CNTN6: variants seen among roughly 807,000 people sequenced by gnomAD.
The protein encoded by CNTN6 is contactin-6.
In CNTN6, 137 loss-of-function variants were observed where a neutral mutation model predicts 122.8. That is an observed-to-expected ratio of 1.12 (90% CI 0.97 to 1.29). CNTN6 has a LOEUF of 1.29. Ranked by LOEUF, CNTN6 falls within the 50% of genes most tolerant of loss-of-function variation. The pLI is 0.00. For missense variants in CNTN6, 1,634 were observed against 1,223.4 expected (o/e 1.34, Z -5.01); for synonymous variants, 570 against 426.0 (o/e 1.34, Z -4.16).
In CNTN6 at chr3:1,372,448, G is replaced by T. The variant is rs773889264; in HGVS notation, c.1642G>T (p.Val548Leu). 1.2e-6 allele frequency: 2 copies of T among 1,611,244 alleles called. No homozygotes were observed. The highest frequency in any genetic ancestry group is 1.1e-5 in the South Asian group (1 of 90,504). Residue 548 changes from valine (V) to leucine (L), a missense_variant, in exon 13 of 23, where the codon GTG (valine) becomes TTG (leucine). Physicochemically the swap from Val to Leu is conservative, Grantham distance 32. Transcript: ENST00000446702. ...NGDVIDLKKG[V>L]AHFERIGGES... is the part of the protein sequence containing the mutation. ...AGATGTCATAGACTTAAAAAAAGGA[G>T]TGGCTCATTTTGAAAGGATTGGAGG...
chr3:1,385,770 C>A lies in CNTN6; in HGVS notation c.2677C>A (p.Pro893Thr). 6.2e-7 allele frequency: 1 copy of A among 1,611,264 alleles called. No individual in the cohort carries two copies. The highest frequency in any genetic ancestry group is 1.1e-5 in the South Asian group (1 of 90,678). ...NTAGTGPSSP[P>T]VNVTTKKSPP... ...TGCTGGGACAGGGCCCTCAAGCCCC[C>A]CAGTCAATGTTACCACCAAAAAGTC... is the stretch of plus-strand genomic sequence containing the variant. Residue 893 changes from proline to threonine, a missense_variant, in exon 20 of 23, where the codon CCA becomes ACA. Transcript: ENST00000446702.
chr3:1,237,000 G>C (rs149666754), intron 4 of CNTN6, among the ~76,000 whole-genome samples: 156 of 151,980 alleles, frequency 1.0e-3, no homozygotes, highest in African/African-American at 3.5e-3. Flanking sequence ...AGAATGGCGT[G>C]AACCTGGGAG....
At chr3:1,385,513 C>A in intron 19 of CNTN6, 98 bp from the exon 20 acceptor site, 1 of 908,584 alleles carries the variant, frequency 1.1e-6, no homozygotes, top group Non-Finnish European at 1.7e-6. Flanking sequence ...CTGTCTTCTT[C>A]CCATATTCCT....
At chr3:1,204,195 C>G (rs1212334539) in intron 2 of CNTN6, among the ~76,000 whole-genome samples, 1 of 152,140 alleles carries the variant, frequency 6.6e-6, no homozygotes, top group African/African-American at 2.4e-5. Context: ...GAGAGACACA[C>G]TCTTATCTCA....
At chr3:1,182,360 G>T (rs1302637762) in intron 2 of CNTN6, among the ~76,000 whole-genome samples, 1 of 152,108 alleles carries the variant, frequency 6.6e-6, no homozygotes, top group Non-Finnish European at 1.5e-5. Context: ...CAGAGCCCTA[G>T]AAAGTAAATC....
intron 17 of CNTN6, among the ~76,000 whole-genome samples, chr3:1,379,805 G>C (rs1374972235): frequency 6.6e-6 from 1 of 152,064 alleles, no homozygotes; most frequent in East Asian, 1.9e-4. Context: ...AGCAGATACT[G>C]AGCCAACTTC....
intron 20 of CNTN6, among the ~76,000 whole-genome samples, chr3:1,391,642 A>C (rs1694163473): frequency 6.6e-6 from 1 of 151,510 alleles, no homozygotes; most frequent in Admixed American, 6.6e-5. Flanking sequence ...AGATGATTGT[A>C]TATCTAGAAA....
At chr3:1,391,661 G>A (rs1395166362) in intron 20 of CNTN6, among the ~76,000 whole-genome samples, 1 of 151,230 alleles carries the variant, frequency 6.6e-6, no homozygotes, top group Non-Finnish European at 1.5e-5. Context: ...AAACCCCATT[G>A]TCTCAGCCCA....
chr3:1,375,957 T>A (rs1709796308), intron 16 of CNTN6, among the ~76,000 whole-genome samples: 1 of 151,946 alleles, frequency 6.6e-6, no homozygotes, highest in Non-Finnish European at 1.5e-5. Flanking sequence ...GGGGAAAAAT[T>A]TGAAATGAGG....
chr3:1,271,635 T>C (rs929837500), intron 4 of CNTN6, among the ~76,000 whole-genome samples: 4 of 152,022 alleles, frequency 2.6e-5, no homozygotes, highest in African/African-American at 9.7e-5. Context: ...TCGAGAAATA[T>C]AAAGAGAGGT....
At chr3:1,098,003 CT>C (rs2090623094) in intron 1 of CNTN6, among the ~76,000 whole-genome samples, 1 of 150,896 alleles carries the variant, frequency 6.6e-6, no homozygotes, top group South Asian at 2.1e-4. Flanking sequence ...TATAGAGATG[CT>C]GGTCTCTGGA....
chr3:1,233,011 G>A (rs1366279861), intron 4 of CNTN6, among the ~76,000 whole-genome samples: 1 of 152,166 alleles, frequency 6.6e-6, no homozygotes, highest in Non-Finnish European at 1.5e-5. Flanking sequence ...CAGAAAGCTA[G>A]GGATCAGAAA....
intron 2 of CNTN6, among the ~76,000 whole-genome samples, chr3:1,179,465 T>A (rs1318219247): frequency 6.6e-6 from 1 of 152,122 alleles, no homozygotes; most frequent in Non-Finnish European, 1.5e-5. Flanking sequence ...AAGCCTTGGT[T>A]TTAGGCGAAT....
At position 1,384,924 on chromosome 3, in the gene CNTN6, C is replaced by T. The variant is rs1169537004; in HGVS notation, c.2518-687C>T. ...AGAATGCCTTACCTCTTATCTGAAC[C>T]CTAGTTACTTCTCAAATTTCATCCC... On this transcript the variant is annotated intron_variant, in intron 19 of 22. Transcript: ENST00000446702. Among the ~76,000 whole-genome samples, 11 of 151,072 alleles carry T rather than the reference C, an allele frequency of 7.3e-5. No individual in the cohort carries two copies. The Admixed American group carries it at 7.3e-4, about 10-fold the overall frequency.
In CNTN6 at chr3:1,402,478, A is replaced by G; in HGVS notation, c.2978A>G (p.Lys993Arg). Residue 993 changes from lysine (K) to arginine (R), a missense_variant, in exon 22 of 23, where the codon AAA (lysine) becomes AGA (arginine). Coordinates refer to ENST00000446702, the MANE Select transcript of CNTN6 (RefSeq NM_001289080.2). ...GSSSEEIRIP[K>R]MSSLSSRGIQ... is the part of the protein sequence containing the mutation. The stretch of plus-strand genomic sequence containing the variant: ...AGCAGTGAGGAAATTAGGATTCCAA[A>G]AATGTCAAGTAAGTTGAGTCACCAT... 6.2e-7 allele frequency: 1 copy of G among 1,608,332 alleles called. No homozygotes were observed. The highest frequency in any genetic ancestry group is 8.5e-7 in the Non-Finnish European group (1 of 1,175,986).
rs56703431 is a variant in CNTN6, at chr3:1,160,344, G to GTATATATATA, written c.55+12296_55+12305dup. On this transcript the variant is annotated intron_variant, in intron 2 of 22. Coordinates refer to ENST00000446702, the MANE Select transcript of CNTN6 (RefSeq NM_001289080.2). The stretch of plus-strand genomic sequence containing the variant: ...TCTCATCACACAATTTACTTTTACT[G>GTATATATATA]TATATATATATATATATATATATAC... Among the ~76,000 whole-genome samples the GTATATATATA allele has an allele frequency of 2.3e-3, 259 of 111,104 alleles. 4 individuals carry two copies. The highest frequency in any genetic ancestry group is 0.013 in the East Asian group (47 of 3,488). The allele number at this position is 111,104 out of a possible 152,430, so 72.9% of individuals were successfully genotyped here.
At chr3:1,387,785 C>G (rs1007532160) in intron 20 of CNTN6, among the ~76,000 whole-genome samples, 3 of 152,280 alleles carry the variant, frequency 2.0e-5, no homozygotes, top group Middle Eastern at 6.8e-3. Flanking sequence ...CTTTCCAAGT[C>G]AAAGAAAGGG....
chr3:1,146,604 T>C (rs1302707934), intron 1 of CNTN6, among the ~76,000 whole-genome samples: 2 of 152,104 alleles, frequency 1.3e-5, no homozygotes, highest in African/African-American at 2.4e-5. Flanking sequence ...TGCGTAAGGT[T>C]TTTTTTGTTT....
intron 3 of CNTN6, among the ~76,000 whole-genome samples, chr3:1,223,619 T>A (rs1185761127): frequency 6.6e-6 from 1 of 152,192 alleles, no homozygotes; most frequent in Non-Finnish European, 1.5e-5. Context: ...TGAACTTAGT[T>A]CTACCTCAGA....
Sources: allele counts gnomAD v4.1 joint callset (sites outside exome capture counted in the v4.1 genomes callset), GRCh38; gene constraint gnomAD v4.1.1; transcripts MANE v1.5; gene names NCBI Gene and HGNC (gene_info 2026-07-23, HGNC 2026-07-21).